Variants in MCTP1 observed in about 807,000 individuals in gnomAD.
MCTP1 encodes the protein multiple C2 and transmembrane domain containing 1, also known as multiple C2 and transmembrane domain-containing protein 1.
A neutral mutation model predicts 120.6 loss-of-function variants in MCTP1; 69 were observed. The ratio of observed to expected loss-of-function variants is 0.57; its 90% CI spans 0.47 to 0.70. MCTP1 has a LOEUF of 0.70. Among genes scored for constraint, MCTP1 ranks in the 30% least tolerant of loss-of-function variants. MCTP1 has a pLI of 0.00. For missense variants in MCTP1, 1,203 were observed against 1,248.8 expected (o/e 0.96, Z 0.55); for synonymous variants, 529 against 493.1 (o/e 1.07, Z -0.96).
chr5:94,719,734 C>T (rs996860216), intron 19 of MCTP1, among the ~76,000 whole-genome samples: 1 of 152,146 alleles, frequency 6.6e-6, no homozygotes, highest in South Asian at 2.1e-4. Flanking sequence ...GGGCTTAATA[C>T]CTAGGTGATG....
At chr5:94,966,412 C>T (rs1243211152) in intron 2 of MCTP1, among the ~76,000 whole-genome samples, 1 of 152,178 alleles carries the variant, frequency 6.6e-6, no homozygotes, top group African/African-American at 2.4e-5. Flanking sequence ...TGTTTAATCA[C>T]CACTATCTCA....
chr5:94,781,253 A>G (rs748212185), intron 18 of MCTP1, among the ~76,000 whole-genome samples: 1 of 152,102 alleles, frequency 6.6e-6, no homozygotes, highest in Admixed American at 6.6e-5. Context: ...ACTTATAATT[A>G]AGAATGTATA....
intron 17 of MCTP1, chr5:94,868,103 G>A (rs1198677825): frequency 2.9e-6 from 1 of 340,252 alleles, no homozygotes; most frequent in Non-Finnish European, 5.2e-6. Context: ...ATGATACATT[G>A]GCTGAGATGT....
chr5:94,973,206 C>A (rs1439261924), intron 2 of MCTP1, among the ~76,000 whole-genome samples: 1 of 152,140 alleles, frequency 6.6e-6, no homozygotes, highest in Non-Finnish European at 1.5e-5. Context: ...GCTCTAGAAT[C>A]CATTACAAGA....
At chr5:95,251,775 T>A (rs928607628) in intron 1 of MCTP1, among the ~76,000 whole-genome samples, 1 of 152,066 alleles carries the variant, frequency 6.6e-6, no homozygotes, top group Non-Finnish European at 1.5e-5. Flanking sequence ...TATTTAGTCA[T>A]CCAATCCTCA....
intron 2 of MCTP1, among the ~76,000 whole-genome samples, chr5:94,989,367 T>C (rs1167443643): frequency 6.6e-6 from 1 of 152,210 alleles, no homozygotes; most frequent in Non-Finnish European, 1.5e-5. Context: ...ATGTAGTGGC[T>C]TAAACAACAT....
chr5:95,194,858 C>T (rs947842209), intron 1 of MCTP1, among the ~76,000 whole-genome samples: 34 of 152,144 alleles, frequency 2.2e-4, no homozygotes, highest in Admixed American at 2.0e-4. Context: ...GAGCCCTGGA[C>T]GCCAGGGTGG....
chr5:95,193,255 TG>T (rs1255514113), intron 1 of MCTP1, among the ~76,000 whole-genome samples: 2 of 152,172 alleles, frequency 1.3e-5, no homozygotes, highest in African/African-American at 4.8e-5. Flanking sequence ...CTTTTTCTAC[TG>T]CATGAATCAA....
At chr5:95,241,300 G>T (rs982359939) in intron 1 of MCTP1, among the ~76,000 whole-genome samples, 1 of 152,120 alleles carries the variant, frequency 6.6e-6, no homozygotes, top group African/African-American at 2.4e-5. Context: ...TCACATCTCA[G>T]TATGGCAGCT....
At chr5:94,854,797 T>A (rs1238202760) in intron 17 of MCTP1, among the ~76,000 whole-genome samples, 1 of 151,936 alleles carries the variant, frequency 6.6e-6, no homozygotes, top group Non-Finnish European at 1.5e-5. Flanking sequence ...CAAATAATAT[T>A]TCATAGGATT....
At chr5:94,813,995 G>C (rs1482882596) in intron 17 of MCTP1, among the ~76,000 whole-genome samples, 1 of 152,156 alleles carries the variant, frequency 6.6e-6, no homozygotes, top group African/African-American at 2.4e-5. Context: ...CAAATCCCTA[G>C]AGACAGAAAA....
intron 10 of MCTP1, 133 bp downstream of exon 10, chr5:94,909,118 A>G (rs1230504374): frequency 1.9e-6 from 2 of 1,069,792 alleles, no homozygotes; most frequent in Admixed American, 6.3e-5. Flanking sequence ...CAGTTCATCC[A>G]AGCATTGCCT....
At chr5:94,932,287 C>T (rs1814948058) in intron 5 of MCTP1, among the ~76,000 whole-genome samples, 1 of 147,614 alleles carries the variant, frequency 6.8e-6, no homozygotes, top group Non-Finnish European at 1.5e-5. Context: ...CACATTGAGT[C>T]TCATAATTTC....
chr5:95,084,550 T>C (rs547302460), intron 1 of MCTP1, among the ~76,000 whole-genome samples: 2 of 151,144 alleles, frequency 1.3e-5, no homozygotes, highest in Non-Finnish European at 3.0e-5. Context: ...TTTTTTTTTT[T>C]CCTCTTGGCC....
Position 95,150,385 on chromosome 5 carries a change from C to T in MCTP1, c.721-132901G>A, listed in dbSNP as rs541259583. 9.9e-4 allele frequency among the ~76,000 whole-genome samples: 151 copies of T among 152,184 alleles called. 1 individual carries two copies. Among genetic ancestry groups the T allele is most frequent in the African/African-American group, 3.5e-3 (147 of 41,516 alleles). On this transcript the variant is annotated intron_variant, in intron 1 of 22. Transcript: ENST00000515393. Reference sequence around the variant, plus strand: ...TAGCAGAACAAACCTCTTTCTAAGCCGGTGGTTCTGATCATTTTGGAAAAA... The same window carrying T: ...TAGCAGAACAAACCTCTTTCTAAGCTGGTGGTTCTGATCATTTTGGAAAAA...
chr5:95,245,130 CA>C (rs896113518), intron 1 of MCTP1, among the ~76,000 whole-genome samples: 5 of 152,126 alleles, frequency 3.3e-5, no homozygotes, highest in African/African-American at 9.7e-5. Context: ...ATAGCATCAA[CA>C]AAAAGGACAT....
intron 1 of MCTP1, among the ~76,000 whole-genome samples, chr5:95,073,391 C>A (rs1038241316): frequency 4.6e-5 from 7 of 152,114 alleles, no homozygotes; most frequent in African/African-American, 1.7e-4. Flanking sequence ...GGTACCCATT[C>A]ATTGCTGCAT....
chr5:95,142,381 A>G (rs151236861), intron 1 of MCTP1, among the ~76,000 whole-genome samples: 158 of 152,328 alleles, frequency 1.0e-3, no homozygotes, highest in African/African-American at 3.4e-3. Flanking sequence ...AGAACACGAG[A>G]TTATAATTAG....
intron 3 of MCTP1, among the ~76,000 whole-genome samples, chr5:94,952,171 C>CAAAAAAGAAAAA (rs1820768858): frequency 1.1e-5 from 1 of 87,890 alleles, no homozygotes; most frequent in African/African-American, 4.5e-5. Context: ...GACTTTGTCG[C>CAAAAAAGAAAAA]AAAAAAAAAA....
Sources: gnomAD v4.1 joint callset for allele counts (sites outside exome capture counted in the v4.1 genomes callset) on GRCh38, gnomAD v4.1.1 for gene constraint, MANE v1.5 for transcripts, NCBI Gene and HGNC (gene_info 2026-07-23, HGNC 2026-07-21) for gene names.